HELT: variants seen among roughly 807,000 people sequenced by gnomAD.
HELT encodes helt bHLH transcription factor, also known as hairy and enhancer of split-related protein HELT.
Under a neutral mutation model 19.5 loss-of-function variants are expected in HELT, and 9 were observed. The ratio of observed to expected loss-of-function variants is 0.46; its 90% confidence interval spans 0.28 to 0.80. HELT has a LOEUF of 0.80. Ranked by LOEUF, HELT falls within the 30% of genes least tolerant of loss-of-function variation. HELT has a pLI of 0.12. For synonymous variants in HELT, 162 were observed against 148.3 expected, an observed-to-expected ratio of 1.09 and a Z score of -0.67; for missense variants, 366 against 326.3, an observed-to-expected ratio of 1.12 and a Z score of -0.94.
intron 1 of HELT, 43 bp from the exon 2 acceptor site, chr4:185,019,344 T>G (rs556666578): frequency 1.3e-6 from 2 of 1,527,034 alleles, no homozygotes; most frequent in African/African-American, 1.4e-5. Flanking sequence ...TTTGACGACT[T>G]CCCGGGCAAA....
At position 185,020,560 on chromosome 4, in the gene HELT, G is replaced by C. The variant is rs1274716838; in HGVS notation, c.517G>C (p.Ala173Pro). ...CGCTGTGTTCCCGCAGGGCTCTGGT[G>C]CCGGGCCTTTCCCCTGGCCGCCTGG... ...EAAVFPQGSG[A>P]GPFPWPPGAA... Residue 173 changes from alanine (A) to proline (P), a missense_variant, in exon 4 of 4, where the codon GCC (alanine) becomes CCC (proline). Physicochemically the swap from Ala to Pro is conservative, Grantham distance 27. Coordinates refer to ENST00000515777, the MANE Select transcript of HELT (RefSeq NM_001300781.2). The C allele has an allele frequency of 6.2e-7, 1 of 1,601,748 alleles. No individual in the cohort carries two copies. The highest frequency in any genetic ancestry group is 1.7e-5 in the Admixed American group (1 of 59,572).
rs1734031987 is a variant in HELT, at chr4:185,020,273, C to A, written c.230C>A (p.Ala77Glu). ...CCTACGGGCTTTCTCGTTCCTCCAG[C>A]AGAACTTCTAGCGGAGTTTGCCAAC... ...SADFPRGREK[A>E]ELLAEFANYF... Residue 77 changes from alanine (A) to glutamate (E), a missense_variant and splice_region_variant, in exon 4 of 4, where the codon GCA becomes GAA. Physicochemically the swap from Ala to Glu is moderately radical, Grantham distance 107 (BLOSUM62 -1). Transcript: ENST00000515777. 1.9e-6 allele frequency: 3 copies of A among 1,611,818 alleles called. No individual in the cohort carries two copies. The highest frequency in any genetic ancestry group is 2.7e-5 in the African/African-American group (2 of 74,904).
At chr4:185,019,205 C>T in intron 1 of HELT, 182 bp from the exon 2 acceptor site, 2 of 1,347,378 alleles carry the variant, frequency 1.5e-6, no homozygotes, top group Non-Finnish European at 2.0e-6. Flanking sequence ...GGGAGCGCGC[C>T]AGCGCGGGCG....
Position 185,020,690 on chromosome 4 carries a change from A to G in HELT, c.647A>G (p.Asp216Gly), listed in dbSNP as rs562479325. Reference sequence around the variant, plus strand: ...TTCCTGACACCGGTGCAGGGCCTGGACCGGCATTACCTCAACCTGATCGGC... The same window carrying G: ...TTCCTGACACCGGTGCAGGGCCTGGGCCGGCATTACCTCAACCTGATCGGC... ...SPFLTPVQGL[D>G]RHYLNLIGHA... Residue 216 changes from aspartate to glycine, a missense_variant, in exon 4 of 4, where the codon GAC becomes GGC. Coordinates refer to ENST00000515777, the MANE Select transcript of HELT (RefSeq NM_001300781.2). The G allele has an allele frequency of 5.0e-6, 8 of 1,603,552 alleles. No individual in the cohort carries two copies. In the East Asian group the frequency reaches 8.9e-5, roughly 18 times the overall value.
Position 185,020,438 on chromosome 4 carries a change from C to G in HELT, c.395C>G (p.Pro132Arg). 6.2e-7 allele frequency: 1 copy of G among 1,614,086 alleles called. No homozygotes were observed. The highest frequency in any genetic ancestry group is 1.1e-5 in the South Asian group (1 of 91,082). The change falls in exon 4 of 4, where the codon CCC becomes CGC. Residue 132 changes from proline (P) to arginine (R), a missense_variant. Transcript: ENST00000515777. Reference protein sequence around the residue: ...LQSKARLGAEPAFPPLGSLPE... With the variant: ...LQSKARLGAERAFPPLGSLPE... ...TCCAAGGCCCGCCTGGGCGCGGAGCCCGCCTTTCCGCCGCTGGGTTCGCTC... is the reference window on the plus strand; with the variant it reads ...TCCAAGGCCCGCCTGGGCGCGGAGCGCGCCTTTCCGCCGCTGGGTTCGCTC...
intron 1 of HELT, 117 bp downstream of exon 1, chr4:185,019,072 G>A (rs538477754): frequency 6.2e-7 from 1 of 1,612,332 alleles, no homozygotes; most frequent in South Asian, 1.1e-5. Flanking sequence ...CTTTGAGTGT[G>A]GAGGAATCTC....
intron 3 of HELT, 49 bp downstream of exon 3, chr4:185,019,892 C>G: frequency 6.6e-7 from 1 of 1,518,172 alleles, no homozygotes; most frequent in Non-Finnish European, 9.1e-7. Flanking sequence ...GCCTGCGCCA[C>G]CCAGAGACCC....
chr4:185,019,676 T>G (rs1318215865), intron 2 of HELT, 71 bp from the exon 3 acceptor site: 1 of 1,610,822 alleles, frequency 6.2e-7, no homozygotes, highest in Non-Finnish European at 8.5e-7. Flanking sequence ...CGCTCGCTGG[T>G]CCTCTCCAGC....
Position 185,019,729 on chromosome 4 carries a change from C to T in HELT, c.133-18C>T. The T allele has an allele frequency of 1.2e-6, 2 of 1,612,948 alleles. No individual in the cohort carries two copies. Among genetic ancestry groups the T allele is most frequent in the Middle Eastern group, 1.7e-4 (1 of 6,048 alleles). On this transcript the variant is annotated intron_variant, in intron 2 of 3. Coordinates refer to ENST00000515777, the MANE Select transcript of HELT (RefSeq NM_001300781.2). The stretch of plus-strand genomic sequence containing the variant: ...GCAGGCGCTGGGCCGCTGCGAGGGG[C>T]CCTTCCTCCTTTTGCAGAGTTCCGG...
Position 185,019,421 on chromosome 4 carries a change from G to A in HELT, c.62G>A (p.Arg21Gln), listed in dbSNP as rs746262594. The A allele has an allele frequency of 3.1e-6, 5 of 1,613,278 alleles. No individual in the cohort carries two copies. In the South Asian group the frequency reaches 4.4e-5, roughly 14 times the overall value. The change falls in exon 2 of 4, where the codon CGG becomes CAG. Residue 21 changes from arginine (R) to glutamine (Q), a missense_variant. Transcript: ENST00000515777. ...GTTTCTCATAAAGTGATAGAAAAGC[G>A]GAGGAGGGACAGGATCAACCGCTGC... is the stretch of plus-strand genomic sequence containing the variant. ...TPVSHKVIEK[R>Q]RRDRINRCLN...
rs1303265943 is a variant in HELT, at chr4:185,020,601, C to T, written c.558C>T (p.Pro186=). Residue 186 remains proline (P), a synonymous_variant, in exon 4 of 4, where the codon CCC becomes CCT. Coordinates refer to ENST00000515777, the MANE Select transcript of HELT (RefSeq NM_001300781.2). ...FPWPPGAARS[P]ALPYLPSAPV... Reference sequence around the variant, plus strand: ...GGCCGCCTGGCGCGGCCCGCAGCCCCGCGCTGCCCTACCTGCCCAGCGCGC... The same window carrying T: ...GGCCGCCTGGCGCGGCCCGCAGCCCTGCGCTGCCCTACCTGCCCAGCGCGC... The T allele has an allele frequency of 4.4e-6, 7 of 1,596,478 alleles. No individual in the cohort carries two copies. Among genetic ancestry groups the T allele is most frequent in the Middle Eastern group, 1.8e-4 (1 of 5,688 alleles).
chr4:185,019,682 C>T, intron 2 of HELT, 65 bp from the exon 3 acceptor site: 1 of 1,611,262 alleles, frequency 6.2e-7, no homozygotes, highest in Non-Finnish European at 8.5e-7. Flanking sequence ...CTGGTCCTCT[C>T]CAGCGCCACA....
rs368550329 is a variant in HELT, at chr4:185,019,770, G to A, written c.156G>A (p.Ala52=). The change falls in exon 3 of 4, where the codon GCG becomes GCA. Residue 52 remains alanine (A), a synonymous_variant. Coordinates refer to ENST00000515777, the MANE Select transcript of HELT (RefSeq NM_001300781.2). The part of the protein sequence containing the change: ...AKQSSGKLEK[A]EILEMTVQYL... ...AGAGTTCCGGGAAGCTGGAGAAGGC[G>A]GAGATCCTCGAGATGACCGTTCAGT... 1.9e-6 allele frequency: 3 copies of A among 1,613,606 alleles called. No individual in the cohort carries two copies. The highest frequency in any genetic ancestry group is 2.7e-5 in the African/African-American group (2 of 74,950).
In HELT at chr4:185,020,528, G is replaced by C; in HGVS notation, c.485G>C (p.Gly162Ala). 1 of 1,609,464 alleles carries C rather than the reference G, an allele frequency of 6.2e-7. No individual in the cohort carries two copies. Among genetic ancestry groups the C allele is most frequent in the Non-Finnish European group, 8.5e-7 (1 of 1,179,646 alleles). The change falls in exon 4 of 4, where the codon GGC becomes GCC. Residue 162 changes from glycine to alanine, a missense_variant. Physicochemically the swap from Gly to Ala is moderately conservative, Grantham distance 60. Coordinates refer to ENST00000515777, the MANE Select transcript of HELT (RefSeq NM_001300781.2). ...AGPEFAGHSPGEAAVFPQGSG... is the reference protein window; with the variant it reads ...AGPEFAGHSPAEAAVFPQGSG... ...CCCGAATTCGCTGGTCACAGCCCGG[G>C]CGAGGCCGCTGTGTTCCCGCAGGGC...
rs1421709104 is a variant in HELT, at chr4:185,019,404, T to C, written c.45T>C (p.His15=). The C allele has an allele frequency of 1.2e-6, 2 of 1,612,642 alleles. No homozygotes were observed. The highest frequency in any genetic ancestry group is 3.3e-5 in the Admixed American group (2 of 59,906). ...CTTCGCAGAGAACCCCCGTTTCTCA[T>C]AAAGTGATAGAAAAGCGGAGGAGGG... ...LKERKRTPVS[H]KVIEKRRRDR... The change falls in exon 2 of 4, where the codon CAT becomes CAC. Residue 15 remains histidine, a synonymous_variant. Transcript: ENST00000515777.
At position 185,020,901 on chromosome 4, in the gene HELT, G is replaced by T; in HGVS notation, c.*129G>T. 3 of 1,108,394 alleles carry T rather than the reference G, an allele frequency of 2.7e-6. No individual in the cohort carries two copies. Among genetic ancestry groups the T allele is most frequent in the South Asian group, 2.1e-5 (1 of 47,798 alleles). The allele number at this position is 1,108,394 out of a possible 1,614,324, so 68.7% of individuals were successfully genotyped here. On this transcript the variant is annotated 3_prime_UTR_variant, in exon 4 of 4. Coordinates refer to ENST00000515777, the MANE Select transcript of HELT (RefSeq NM_001300781.2). Reference sequence around the variant, plus strand: ...GCTGGGGGAGGCAAAGAGCGAATGAGTCTTCTGAAGGATCTCCCCCTGGTA... The same window carrying T: ...GCTGGGGGAGGCAAAGAGCGAATGATTCTTCTGAAGGATCTCCCCCTGGTA...
chr4:185,019,760 T>C lies in HELT; in HGVS notation c.146T>C (p.Leu49Pro), dbSNP rs1218656972. The part of the protein sequence containing the change: ...MALAKQSSGK[L>P]EKAEILEMTV... The stretch of plus-strand genomic sequence containing the variant: ...CTCCTTTTGCAGAGTTCCGGGAAGC[T>C]GGAGAAGGCGGAGATCCTCGAGATG... Residue 49 changes from leucine (L) to proline (P), a missense_variant, in exon 3 of 4, where the codon CTG becomes CCG. Coordinates refer to ENST00000515777, the MANE Select transcript of HELT (RefSeq NM_001300781.2). The C allele has an allele frequency of 1.2e-6, 2 of 1,613,526 alleles. No homozygotes were observed. Among genetic ancestry groups the C allele is most frequent in the Admixed American group, 1.7e-5 (1 of 60,012 alleles).
chr4:185,020,187 G>C (rs994628367), intron 3 of HELT, 86 bp from the exon 4 acceptor site: 16 of 1,539,256 alleles, frequency 1.0e-5, no homozygotes, highest in African/African-American at 2.7e-5. Flanking sequence ...AAAATGTGGT[G>C]GGAGGTGCCC....
At position 185,018,856 on chromosome 4, in the gene HELT, G is replaced by A; in HGVS notation, c.-73G>A. The A allele has an allele frequency of 1.3e-6, 2 of 1,497,634 alleles. No individual in the cohort carries two copies. The highest frequency in any genetic ancestry group is 2.2e-4 in the Middle Eastern group (1 of 4,450). The allele number at this position is 1,497,634 out of a possible 1,614,324, so 92.8% of individuals were successfully genotyped here. On this transcript the variant is annotated 5_prime_UTR_variant, in exon 1 of 4. Coordinates refer to ENST00000515777, the MANE Select transcript of HELT (RefSeq NM_001300781.2). ...GCTGCAGTCTACCTGGGACACTCGA[G>A]GAGGCACACGAGGCGGAAAAGTGGA...
Sources: allele counts gnomAD v4.1 joint callset, GRCh38; gene constraint gnomAD v4.1.1; transcripts MANE v1.5; gene names NCBI Gene and HGNC (gene_info 2026-07-23, HGNC 2026-07-21).